CNTNAP2: variants seen among roughly 807,000 people sequenced by gnomAD.
The protein encoded by CNTNAP2 is contactin-associated protein-like 2.
A neutral mutation model predicts 155.2 loss-of-function variants in CNTNAP2; 98 were observed. The observed-to-expected ratio is 0.63, with a 90% CI of 0.54 to 0.75. The LOEUF (loss-of-function observed/expected upper bound fraction) is 0.75, where lower values mean the gene tolerates loss of function less well. Ranked by LOEUF, CNTNAP2 falls within the 30% of genes least tolerant of loss-of-function variation. The pLI, the probability that CNTNAP2 is intolerant of heterozygous loss-of-function variation, is 0.00. For missense variants in CNTNAP2, 1,727 were observed against 1,688.1 expected (o/e 1.02, Z -0.40); for synonymous variants, 651 against 631.2 (o/e 1.03, Z -0.47).
In CNTNAP2 at chr7:146,606,810, C is replaced by T. The variant is rs188802580; in HGVS notation, c.98-167461C>T. Among the ~76,000 whole-genome samples the T allele has an allele frequency of 2.0e-5, 3 of 152,270 alleles. No individual in the cohort carries two copies. The East Asian group carries it at 5.8e-4, about 29-fold the overall frequency. ...TCACTCCATTTTCTGGCAGCTGACA[C>T]TCATTTACTCTCAACAAGTGAATAA... On this transcript the variant is annotated intron_variant, in intron 1 of 23. Coordinates refer to ENST00000361727, the MANE Select transcript of CNTNAP2 (RefSeq NM_014141.6).
At chr7:147,580,817 T>C (rs550142885) in intron 12 of CNTNAP2, among the ~76,000 whole-genome samples, 3 of 152,288 alleles carry the variant, frequency 2.0e-5, no homozygotes, top group Non-Finnish European at 2.9e-5. Flanking sequence ...GGTTTCAGCA[T>C]GTTGACCAGG....
At chr7:148,176,988 A>G (rs1238185187) in intron 18 of CNTNAP2, among the ~76,000 whole-genome samples, 1 of 152,182 alleles carries the variant, frequency 6.6e-6, no homozygotes, top group African/African-American at 2.4e-5. Flanking sequence ...GAATTCTATA[A>G]TTATCAATGT....
intron 23 of CNTNAP2, among the ~76,000 whole-genome samples, chr7:148,413,401 A>AAAAAAAAAAAAAAATATATAT (rs1442990213): frequency 6.6e-5 from 3 of 45,362 alleles, no homozygotes; most frequent in Non-Finnish European, 8.4e-5. Flanking sequence ...TCAAAAAAAA[A>AAAAAAAAAAAAAAATATATAT]ATATATATAT....
chr7:146,646,199 C>G (rs961623333), intron 1 of CNTNAP2, among the ~76,000 whole-genome samples: 1 of 152,102 alleles, frequency 6.6e-6, no homozygotes, highest in Non-Finnish European at 1.5e-5. Context: ...AAAAATCCTC[C>G]TTTTAGAAAA....
intron 15 of CNTNAP2, among the ~76,000 whole-genome samples, chr7:148,068,398 T>A (rs948172415): frequency 1.3e-5 from 2 of 152,192 alleles, no homozygotes; most frequent in Admixed American, 1.3e-4. Flanking sequence ...CTCTCTAAAT[T>A]CATTTCAGCT....
intron 1 of CNTNAP2, among the ~76,000 whole-genome samples, chr7:146,466,719 TG>T: frequency 6.6e-6 from 1 of 152,206 alleles, no homozygotes; most frequent in East Asian, 1.9e-4. Flanking sequence ...CATAATTGTT[TG>T]ATGATTTTAG....
intron 8 of CNTNAP2, among the ~76,000 whole-genome samples, chr7:147,278,280 A>G (rs1449984786): frequency 1.3e-5 from 2 of 151,796 alleles, no homozygotes; most frequent in Non-Finnish European, 3.0e-5. Flanking sequence ...CATCCATTCC[A>G]TAGTTCATAG....
intron 9 of CNTNAP2, among the ~76,000 whole-genome samples, chr7:147,317,802 A>G (rs2692155): frequency 1.9e-5 from 2 of 107,450 alleles, no homozygotes; most frequent in African/African-American, 7.6e-5. Flanking sequence ...GTGTGTGTAT[A>G]TGTATATATA....
chr7:148,290,181 G>T (rs1224394262), intron 21 of CNTNAP2, among the ~76,000 whole-genome samples: 2 of 152,012 alleles, frequency 1.3e-5, no homozygotes, highest in African/African-American at 4.8e-5. Context: ...AGTATTTAAG[G>T]TGATAAAATA....
chr7:148,369,382 CGGCTAATTTGTGCCACTACACCT>C (rs1414293743), intron 21 of CNTNAP2, among the ~76,000 whole-genome samples: 105 of 151,104 alleles, frequency 6.9e-4, no homozygotes, highest in African/African-American at 1.8e-3. Context: ...CCACTACACC[CGGCTAATTTGTGCCACTACACCT>C]GGCTAATTTT....
chr7:147,341,090 G>GTGTGTGTA (rs143428303), intron 9 of CNTNAP2, among the ~76,000 whole-genome samples: 1,587 of 140,344 alleles, frequency 0.011, 19 homozygotes, highest in African/African-American at 0.031. Context: ...GTGTGTGTGT[G>GTGTGTGTA]TATATATATA....
intron 12 of CNTNAP2, among the ~76,000 whole-genome samples, chr7:147,586,303 C>T (rs1291205296): frequency 6.6e-6 from 1 of 151,250 alleles, no homozygotes; most frequent in East Asian, 2.0e-4. Context: ...GTCTTAAGGT[C>T]TGTGTTGATG....
intron 10 of CNTNAP2, among the ~76,000 whole-genome samples, chr7:147,438,081 T>C (rs1400950475): frequency 6.6e-6 from 1 of 152,154 alleles, no homozygotes. Flanking sequence ...ACTTCTTCCA[T>C]TCCAATTTGA....
intron 13 of CNTNAP2, among the ~76,000 whole-genome samples, chr7:147,830,425 C>T (rs540015368): frequency 6.6e-6 from 1 of 152,204 alleles, no homozygotes; most frequent in South Asian, 2.1e-4. Flanking sequence ...ACTTCCCCCC[C>T]AAAAGGCCCC....
chr7:146,516,384 T>TTCCAATGG (rs879922545), intron 1 of CNTNAP2, among the ~76,000 whole-genome samples: 1 of 152,034 alleles, frequency 6.6e-6, no homozygotes, highest in Admixed American at 6.6e-5. Context: ...ATTTTAATGC[T>TTCCAATGG]TCCAATGGTC....
chr7:146,514,546 T>G (rs767941112), intron 1 of CNTNAP2, among the ~76,000 whole-genome samples: 10 of 152,242 alleles, frequency 6.6e-5, no homozygotes, highest in Non-Finnish European at 1.2e-4. Flanking sequence ...CAATGTATTC[T>G]TTAGTTCCAG....
intron 1 of CNTNAP2, among the ~76,000 whole-genome samples, chr7:146,507,359 T>C (rs1013840924): frequency 6.6e-6 from 1 of 152,208 alleles, no homozygotes; most frequent in African/African-American, 2.4e-5. Flanking sequence ...GCACATCAAG[T>C]TCAAATGGGT....
intron 16 of CNTNAP2, among the ~76,000 whole-genome samples, chr7:148,131,901 T>C (rs115489329): frequency 0.016 from 2,462 of 151,718 alleles, 77 homozygotes; most frequent in African/African-American, 0.056. Context: ...CATTTAAATA[T>C]AGTGAGGGAC....
intron 2 of CNTNAP2, among the ~76,000 whole-genome samples, chr7:146,803,998 A>G (rs995625144): frequency 1.3e-5 from 2 of 152,174 alleles, no homozygotes; most frequent in African/African-American, 4.8e-5. Context: ...ACAGTTTTTC[A>G]TTTACAGATA....
Sources: gnomAD v4.1 joint callset for allele counts (sites outside exome capture counted in the v4.1 genomes callset) on GRCh38, gnomAD v4.1.1 for gene constraint, MANE v1.5 for transcripts, NCBI Gene and HGNC (gene_info 2026-07-23, HGNC 2026-07-21) for gene names.